Variants in TRPS1 observed in about 807,000 individuals in gnomAD.
The protein encoded by TRPS1 is zinc finger transcription factor Trps1.
A neutral mutation model predicts 101.2 loss-of-function variants in TRPS1; 6 were observed. That is an observed-to-expected ratio of 0.06 (90% CI 0.03 to 0.12). The LOEUF is 0.12. Among genes scored for constraint, TRPS1 ranks in the 10% least tolerant of loss-of-function variants. The probability of loss-of-function intolerance (pLI) is 1.00; values close to 1 mark genes in which losing one functional copy is unlikely to be tolerated. For missense variants in TRPS1, 1,363 were observed against 1,567.0 expected, an observed-to-expected ratio of 0.87 and a Z score of 2.20; for synonymous variants, 578 against 589.8, an observed-to-expected ratio of 0.98 and a Z score of 0.29.
intron 3 of TRPS1, among the ~76,000 whole-genome samples, chr8:115,616,061 G>T (rs1226940143): frequency 6.6e-6 from 1 of 152,090 alleles, no homozygotes; most frequent in Admixed American, 6.5e-5. Flanking sequence ...CATGTCTTCT[G>T]CTTTTAGGAC....
intron 5 of TRPS1, among the ~76,000 whole-genome samples, chr8:115,504,275 G>C (rs1311783606): frequency 6.6e-6 from 1 of 152,120 alleles, no homozygotes; most frequent in Admixed American, 6.5e-5. Context: ...GGCACAATGA[G>C]TCCAGAAACT....
chr8:115,584,377 C>T (rs1051723244), intron 5 of TRPS1, among the ~76,000 whole-genome samples: 18 of 151,814 alleles, frequency 1.2e-4, no homozygotes, highest in African/African-American at 4.3e-4. Flanking sequence ...TCTTAAATTG[C>T]TTACAATTTC....
intron 4 of TRPS1, among the ~76,000 whole-genome samples, chr8:115,588,612 C>A (rs1363518276): frequency 1.3e-5 from 2 of 152,012 alleles, no homozygotes; most frequent in South Asian, 2.1e-4. Context: ...AAAAGCATAC[C>A]CGAAAGATAC....
intron 5 of TRPS1, among the ~76,000 whole-genome samples, chr8:115,433,245 G>T (rs1813366412): frequency 6.6e-6 from 1 of 151,846 alleles, no homozygotes; most frequent in Admixed American, 6.6e-5. Flanking sequence ...AAAATGTTCG[G>T]CCTGTTAGTA....
chr8:115,563,579 T>C (rs910296055), intron 5 of TRPS1, among the ~76,000 whole-genome samples: 4 of 152,074 alleles, frequency 2.6e-5, no homozygotes, highest in Non-Finnish European at 5.9e-5. Flanking sequence ...TTAGAGAAAT[T>C]TATTTTTCTT....
chr8:115,530,120 C>T (rs1377913181), intron 5 of TRPS1, among the ~76,000 whole-genome samples: 1 of 152,094 alleles, frequency 6.6e-6, no homozygotes, highest in Admixed American at 6.6e-5. Context: ...TCTAATAAAT[C>T]TCATAAACTG....
At chr8:115,608,665 G>T (rs1172066879) in intron 3 of TRPS1, among the ~76,000 whole-genome samples, 1 of 151,134 alleles carries the variant, frequency 6.6e-6, no homozygotes, top group East Asian at 1.9e-4. Flanking sequence ...CTATGGATTT[G>T]TGCTGTCCAA....
chr8:115,591,765 G>A (rs1817684243), intron 4 of TRPS1, among the ~76,000 whole-genome samples: 3 of 152,128 alleles, frequency 2.0e-5, no homozygotes, highest in Admixed American at 1.3e-4. Flanking sequence ...GTTTTATGTC[G>A]AAAAGGAAAA....
chr8:115,476,886 T>C (rs1814619979), intron 5 of TRPS1, among the ~76,000 whole-genome samples: 1 of 152,164 alleles, frequency 6.6e-6, no homozygotes, highest in Admixed American at 6.5e-5. Context: ...ATTCTGAAAA[T>C]GCACTTAACA....
intron 1 of TRPS1, among the ~76,000 whole-genome samples, chr8:115,654,539 A>G (rs571401151): frequency 6.6e-6 from 1 of 152,288 alleles, no homozygotes; most frequent in African/African-American, 2.4e-5. Context: ...ATAAAGAAAC[A>G]TCCATTTCAT....
Position 115,587,621 on chromosome 8 carries a change from C to G in TRPS1, c.2097-17G>C, listed in dbSNP as rs1458169601. 1.9e-6 allele frequency: 3 copies of G among 1,613,744 alleles called. No homozygotes were observed. The highest frequency in any genetic ancestry group is 2.5e-6 in the Non-Finnish European group (3 of 1,180,012). ...TGTGCTCTCCTGGAGAAGAAGAAAA[C>G]AGTTACTGCAAAGACAGCGTTCTGA... On this transcript the variant is annotated splice_polypyrimidine_tract_variant and intron_variant, in intron 4 of 6. Coordinates refer to ENST00000395715, the MANE Select transcript of TRPS1 (RefSeq NM_014112.5).
chr8:115,440,230 T>C (rs978871492), intron 5 of TRPS1, among the ~76,000 whole-genome samples: 1 of 152,256 alleles, frequency 6.6e-6, no homozygotes, highest in African/African-American at 2.4e-5. Flanking sequence ...AAACTTATTC[T>C]GGAAGAACCA....
At chr8:115,514,771 C>CA (rs77152478) in intron 5 of TRPS1, among the ~76,000 whole-genome samples, 206 of 150,652 alleles carry the variant, frequency 1.4e-3, no homozygotes, top group Middle Eastern at 6.9e-3. Flanking sequence ...CAAGACATAC[C>CA]AAAAAAAACC....
chr8:115,520,505 A>C (rs184867707), intron 5 of TRPS1, among the ~76,000 whole-genome samples: 19 of 151,908 alleles, frequency 1.3e-4, no homozygotes, highest in African/African-American at 4.6e-4. Flanking sequence ...TGGAAAACTA[A>C]TTTTAACATG....
chr8:115,466,429 T>C (rs1814320880), intron 5 of TRPS1, among the ~76,000 whole-genome samples: 1 of 152,164 alleles, frequency 6.6e-6, no homozygotes. Flanking sequence ...TCCCTAAATG[T>C]AGAGAGAGCT....
intron 1 of TRPS1, among the ~76,000 whole-genome samples, chr8:115,643,511 C>A (rs975181992): frequency 2.0e-5 from 3 of 152,180 alleles, no homozygotes; most frequent in Non-Finnish European, 2.9e-5. Context: ...ACACCTCATC[C>A]ATTCCAGTTT....
intron 1 of TRPS1, among the ~76,000 whole-genome samples, chr8:115,662,497 C>T (rs1391473518): frequency 6.6e-6 from 1 of 151,804 alleles, no homozygotes; most frequent in Non-Finnish European, 1.5e-5. Flanking sequence ...CCACTAAACC[C>T]AATAATTTCT....
chr8:115,433,519 T>C (rs1007861170), intron 5 of TRPS1, among the ~76,000 whole-genome samples: 1 of 152,116 alleles, frequency 6.6e-6, no homozygotes, highest in Admixed American at 6.6e-5. Context: ...AATTTATAAA[T>C]GAAGTACAAA....
At chr8:115,648,568 G>A (rs963671492) in intron 1 of TRPS1, among the ~76,000 whole-genome samples, 3 of 152,182 alleles carry the variant, frequency 2.0e-5, no homozygotes, top group Non-Finnish European at 4.4e-5. Context: ...TCTCACCGTA[G>A]CTGCTCCAGA....
Sources: allele counts gnomAD v4.1 joint callset (sites outside exome capture counted in the v4.1 genomes callset), GRCh38; gene constraint gnomAD v4.1.1; transcripts MANE v1.5; gene names NCBI Gene and HGNC (gene_info 2026-07-23, HGNC 2026-07-21).